The following ELP4 variants were observed in gnomAD, a reference collection of about 807,000 sequenced individuals.
The protein encoded by ELP4 is elongator complex protein 4.
A neutral mutation model predicts 48.9 loss-of-function variants in ELP4; 51 were observed. The ratio of observed to expected loss-of-function variants is 1.04; its 90% confidence interval spans 0.83 to 1.32. The LOEUF (loss-of-function observed/expected upper bound fraction) is 1.32. Ranked by LOEUF, ELP4 falls within the 40% of genes most tolerant of loss-of-function variation. The pLI, the probability that ELP4 is intolerant of heterozygous loss-of-function variation, is 0.00. For synonymous variants in ELP4, 210 were observed against 189.2 expected (o/e 1.11, Z -0.90); for missense variants, 519 against 514.6 (o/e 1.01, Z -0.08).
intron 2 of ELP4, among the ~76,000 whole-genome samples, chr11:31,520,940 A>C (rs1324157985): frequency 6.6e-6 from 1 of 152,040 alleles, no homozygotes; most frequent in Non-Finnish European, 1.5e-5. Context: ...ACAGTATTCC[A>C]AATGTAATAT....
At chr11:31,765,374 T>C (rs1948022047) in intron 9 of ELP4, among the ~76,000 whole-genome samples, 1 of 152,162 alleles carries the variant, frequency 6.6e-6, no homozygotes, top group Admixed American at 6.6e-5. Flanking sequence ...ATGATATCAG[T>C]TCATATTTGC....
chr11:31,749,741 A>G (rs1434054030), intron 9 of ELP4, among the ~76,000 whole-genome samples: 1 of 152,238 alleles, frequency 6.6e-6, no homozygotes, highest in East Asian at 1.9e-4. Flanking sequence ...CATAGATAGT[A>G]ATTCCTGTAA....
At chr11:31,743,536 T>C (rs1947507956) in intron 9 of ELP4, among the ~76,000 whole-genome samples, 1 of 152,162 alleles carries the variant, frequency 6.6e-6, no homozygotes, top group African/African-American at 2.4e-5. Flanking sequence ...ACATAAATTA[T>C]AACAAACTGT....
At chr11:31,684,686 G>A (rs1174333932) in intron 9 of ELP4, among the ~76,000 whole-genome samples, 1 of 152,156 alleles carries the variant, frequency 6.6e-6, no homozygotes, top group Non-Finnish European at 1.5e-5. Context: ...AGATGGGGAA[G>A]GATGTGCTTT....
chr11:31,552,737 T>C (rs764617768), intron 3 of ELP4, among the ~76,000 whole-genome samples: 20 of 152,158 alleles, frequency 1.3e-4, no homozygotes, highest in Non-Finnish European at 1.8e-4. Context: ...TCTTCAAATG[T>C]AAGTCAGATC....
chr11:31,704,071 T>C (rs1437379892), intron 9 of ELP4, among the ~76,000 whole-genome samples: 1 of 152,158 alleles, frequency 6.6e-6, no homozygotes, highest in East Asian at 1.9e-4. Context: ...TTTGTTCTGC[T>C]TACAATAGTA....
intron 5 of ELP4, among the ~76,000 whole-genome samples, chr11:31,609,733 T>C (rs1957941002): frequency 6.6e-6 from 1 of 151,908 alleles, no homozygotes; most frequent in Admixed American, 6.6e-5. Context: ...TATTCAAAAG[T>C]CTAAATATAA....
At chr11:31,539,589 G>A (rs1014032790) in intron 2 of ELP4, 73 bp from the exon 3 acceptor site, 49 of 1,449,592 alleles carry the variant, frequency 3.4e-5, no homozygotes, top group Non-Finnish European at 4.6e-5. Context: ...ACATATGAGT[G>A]TGCTTGCTGT....
chr11:31,753,328 T>A (rs1363148337), intron 9 of ELP4, among the ~76,000 whole-genome samples: 1 of 152,206 alleles, frequency 6.6e-6, no homozygotes, highest in Non-Finnish European at 1.5e-5. Context: ...TATCTTCAGA[T>A]GTGCTGGCCT....
chr11:31,620,654 A>C (rs1389258907), intron 5 of ELP4, among the ~76,000 whole-genome samples: 2 of 152,020 alleles, frequency 1.3e-5, no homozygotes, highest in East Asian at 1.9e-4. Flanking sequence ...AGTGAAGGGT[A>C]GTAGGAGACA....
intron 3 of ELP4, among the ~76,000 whole-genome samples, chr11:31,592,394 T>C (rs910319275): frequency 9.9e-5 from 15 of 151,740 alleles, no homozygotes; most frequent in Admixed American, 2.0e-4. Context: ...ATGCAAAAAT[T>C]AGCCAAGCAT....
rs367795416 is a variant in ELP4, at chr11:31,668,675, CGTGTGTGT to C, written c.1143+18493_1143+18500del. ...ATCGGAATGAAATTTCCTTTGGTAC[CGTGTGTGT>C]GTGTGTGTGTGTGTGTGTGTGTGTG... is the stretch of plus-strand genomic sequence containing the variant. On this transcript the variant is annotated intron_variant, in intron 9 of 9. Coordinates refer to ENST00000640961, the MANE Select transcript of ELP4 (RefSeq NM_019040.5). Among the ~76,000 whole-genome samples, 136 of 121,118 alleles carry C rather than the reference CGTGTGTGT, an allele frequency of 1.1e-3. 4 individuals are homozygous for C. Among genetic ancestry groups the C allele is most frequent in the Non-Finnish European group, 1.8e-3 (105 of 58,686 alleles). 79.5% of individuals were successfully genotyped at this position (121,118 alleles called of 152,430 possible).
At chr11:31,745,009 A>G (rs1352742046) in intron 9 of ELP4, among the ~76,000 whole-genome samples, 2 of 152,164 alleles carry the variant, frequency 1.3e-5, no homozygotes, top group Non-Finnish European at 2.9e-5. Flanking sequence ...TCAGCCCAAA[A>G]TCTCCTCAAG....
chr11:31,614,669 T>A (rs192297195), intron 5 of ELP4, among the ~76,000 whole-genome samples: 2 of 152,268 alleles, frequency 1.3e-5, no homozygotes, highest in African/African-American at 4.8e-5. Context: ...GTGGGGATGA[T>A]CAAAAGCATG....
chr11:31,774,813 A>G (rs1259327521), intron 9 of ELP4, among the ~76,000 whole-genome samples: 2 of 152,236 alleles, frequency 1.3e-5, no homozygotes, highest in Admixed American at 1.3e-4. Flanking sequence ...TAAACAGAAT[A>G]TAGATTAGGC....
intron 9 of ELP4, among the ~76,000 whole-genome samples, chr11:31,734,878 A>C (rs10835813): frequency 0.4 from 60,930 of 152,044 alleles, 15,826 homozygotes; most frequent in African/African-American, 0.74. Flanking sequence ...CATATGGAAT[A>C]ACAAAGGACC....
intron 7 of ELP4, among the ~76,000 whole-genome samples, chr11:31,636,728 A>G (rs1944986380): frequency 6.6e-6 from 1 of 152,026 alleles, no homozygotes; most frequent in Admixed American, 6.6e-5. Context: ...CAGTCCCACA[A>G]CTTTGAACTT....
In ELP4 at chr11:31,585,948, G is replaced by A. The variant is rs190055219; in HGVS notation, c.382-8822G>A. Among the ~76,000 whole-genome samples, 7 of 152,274 alleles carry A rather than the reference G, an allele frequency of 4.6e-5. 1 individual carries two copies. Reference sequence around the variant, plus strand: ...AAAAATTTAAAAATTAGCCAGGATTGGTGGCATGTGCCTGTAGTCTCAGCT... The same window carrying A: ...AAAAATTTAAAAATTAGCCAGGATTAGTGGCATGTGCCTGTAGTCTCAGCT... On this transcript the variant is annotated intron_variant, in intron 3 of 9. Coordinates refer to ENST00000640961, the MANE Select transcript of ELP4 (RefSeq NM_019040.5).
intron 4 of ELP4, among the ~76,000 whole-genome samples, chr11:31,603,366 G>T (rs773552304): frequency 1.3e-4 from 20 of 151,656 alleles, no homozygotes; most frequent in Non-Finnish European, 2.7e-4. Flanking sequence ...AATTAATTGG[G>T]TTTAAGTTTT....
Sources: allele counts gnomAD v4.1 joint callset (sites outside exome capture counted in the v4.1 genomes callset), GRCh38; gene constraint gnomAD v4.1.1; transcripts MANE v1.5; gene names NCBI Gene and HGNC (gene_info 2026-07-23, HGNC 2026-07-21).